The following OR10A2 variants were observed in gnomAD, a reference collection of about 807,000 sequenced individuals.
OR10A2 encodes the protein olfactory receptor family 10 subfamily A member 2.
Under a neutral mutation model 13.7 loss-of-function variants are expected in OR10A2, and 15 were observed. The ratio of observed to expected loss-of-function variants is 1.10; its 90% CI spans 0.73 to 1.69. OR10A2 has a LOEUF of 1.69. OR10A2 is among the 40% of genes most tolerant of loss of function. The pLI, the probability that OR10A2 is intolerant of heterozygous loss-of-function variation, is 0.00. For synonymous variants in OR10A2, 145 were observed against 144.7 expected (o/e 1.00, Z -0.02); for missense variants, 343 against 361.1 (o/e 0.95, Z 0.41).
intron 1 of OR10A2, among the ~76,000 whole-genome samples, chr11:6,867,210 ATAT>A (rs143148199): frequency 1.3e-5 from 2 of 150,462 alleles, no homozygotes; most frequent in African/African-American, 2.4e-5. Context: ...TCAATATTCT[ATAT>A]TATTATTATT....
Position 6,868,405 on chromosome 11 carries a change from C to T in OR10A2, c.-132-1218C>T, listed in dbSNP as rs569797783. 3.9e-5 allele frequency among the ~76,000 whole-genome samples: 6 copies of T among 152,106 alleles called. No homozygotes were observed. In the South Asian group the frequency reaches 8.3e-4, roughly 21 times the overall value. On this transcript the variant is annotated intron_variant, in intron 1 of 1. Coordinates refer to ENST00000641461, the MANE Select transcript of OR10A2 (RefSeq NM_001004460.2). ...GATATACCACCTAGTCTTCTTGATCCGAGGCCTACAGCTTTTGATCCCTTC... is the reference window on the plus strand; with the variant it reads ...GATATACCACCTAGTCTTCTTGATCTGAGGCCTACAGCTTTTGATCCCTTC...
intron 1 of OR10A2, among the ~76,000 whole-genome samples, chr11:6,866,286 T>A (rs1171398421): frequency 1.3e-5 from 2 of 152,268 alleles, no homozygotes; most frequent in Non-Finnish European, 2.9e-5. Flanking sequence ...TTAGTTTTTT[T>A]AAAGAACTGT....
At chr11:6,866,818 T>C (rs1190015788) in intron 1 of OR10A2, among the ~76,000 whole-genome samples, 1 of 152,170 alleles carries the variant, frequency 6.6e-6, no homozygotes, top group Admixed American at 6.5e-5. Context: ...TGTGTGAATA[T>C]ATTAAAATTT....
chr11:6,863,890 C>G (rs1848360812), intron 1 of OR10A2, among the ~76,000 whole-genome samples: 1 of 152,184 alleles, frequency 6.6e-6, no homozygotes, highest in Admixed American at 6.5e-5. Context: ...GCCCATGGGC[C>G]ACATGCGGCC....
At chr11:6,868,735 T>C (rs1173332892) in intron 1 of OR10A2, among the ~76,000 whole-genome samples, 3 of 152,104 alleles carry the variant, frequency 2.0e-5, no homozygotes, top group African/African-American at 7.2e-5. Flanking sequence ...TATCCCAGCC[T>C]CTCAATTTCA....
chr11:6,870,358 T>C lies in OR10A2; in HGVS notation c.604T>C (p.Leu202=), dbSNP rs1564921095. The change falls in exon 2 of 2, where the codon TTG becomes CTG. Residue 202 remains leucine (L), a synonymous_variant. Transcript: ENST00000641461. ...GGTCATGATCCCCTGCTTGCTGATC[T>C]TGTGTTCCTATACTCACATTGCTGC... is the stretch of plus-strand genomic sequence containing the variant. The part of the protein sequence containing the change: ...LVVMIPCLLI[L]CSYTHIAAAI... The C allele has an allele frequency of 3.1e-6, 5 of 1,614,088 alleles. No individual in the cohort carries two copies. The highest frequency in any genetic ancestry group is 2.7e-5 in the African/African-American group (2 of 74,924).
intron 1 of OR10A2, among the ~76,000 whole-genome samples, chr11:6,866,320 T>C (rs1166909879): frequency 6.6e-6 from 1 of 152,240 alleles, no homozygotes; most frequent in African/African-American, 2.4e-5. Context: ...GCAGTGGCTA[T>C]ACCAAGCTTG....
In OR10A2 at chr11:6,873,620, A is replaced by G. The variant is rs1313859098; in HGVS notation, c.*2954A>G. On this transcript the variant is annotated 3_prime_UTR_variant, in exon 2 of 2. Coordinates refer to ENST00000641461, the MANE Select transcript of OR10A2 (RefSeq NM_001004460.2). The stretch of plus-strand genomic sequence containing the variant: ...CAAAGCATTTTTGTGTCACTGAAAA[A>G]TCAGCTACACTGGGGATTTGAAACT... The G allele has an allele frequency of 6.6e-6, 1 of 152,250 alleles. No individual in the cohort carries two copies. The highest frequency in any genetic ancestry group is 1.9e-4 in the East Asian group (1 of 5,198). The allele number at this position is 152,250 out of a possible 1,614,324, so 9.4% of individuals were successfully genotyped here. A position where few individuals can be genotyped will look rare whatever the true frequency, so the allele number is the denominator to read the frequency against.
chr11:6,863,480 A>T (rs1564919482), intron 1 of OR10A2, 129 bp downstream of exon 1: 1 of 142,076 alleles, frequency 7.0e-6, no homozygotes, highest in Admixed American at 7.7e-5. Context: ...TTCTATTCTT[A>T]TGTTCACACT....
intron 1 of OR10A2, among the ~76,000 whole-genome samples, chr11:6,866,473 G>A (rs943171396): frequency 5.3e-5 from 8 of 152,028 alleles, no homozygotes; most frequent in Admixed American, 5.2e-4. Context: ...GTGGCCCAGG[G>A]AAGCCAAAAG....
intron 1 of OR10A2, among the ~76,000 whole-genome samples, chr11:6,868,246 T>C (rs1266301390): frequency 6.6e-6 from 1 of 152,232 alleles, no homozygotes; most frequent in Non-Finnish European, 1.5e-5. Flanking sequence ...TTTTCCTTCA[T>C]AGATTCTCTG....
Position 6,870,301 on chromosome 11 carries a change from G to A in OR10A2, c.547G>A (p.Glu183Lys). 1.9e-6 allele frequency: 3 copies of A among 1,614,162 alleles called. No homozygotes were observed. The East Asian group carries it at 6.7e-5, about 36-fold the overall frequency. Residue 183 changes from glutamate to lysine, a missense_variant, in exon 2 of 2, where the codon GAG (glutamate) becomes AAG (lysine). Transcript: ENST00000641461. Reference protein sequence around the residue: ...RLVCADTALFEIYAIVGTILV... With the variant: ...RLVCADTALFKIYAIVGTILV... ...GGTCTGTGCAGACACAGCACTCTTT[G>A]AGATCTACGCCATCGTCGGAACCAT...
At chr11:6,863,786 G>A (rs1334117239) in intron 1 of OR10A2, among the ~76,000 whole-genome samples, 1 of 152,108 alleles carries the variant, frequency 6.6e-6, no homozygotes, top group African/African-American at 2.4e-5. Context: ...GTCAGAGAAG[G>A]CCTAGAAGAG....
At chr11:6,865,148 AAT>A (rs1848370495) in intron 1 of OR10A2, among the ~76,000 whole-genome samples, 2 of 144,288 alleles carry the variant, frequency 1.4e-5, no homozygotes, top group South Asian at 4.2e-4. Flanking sequence ...CTTATATATA[AAT>A]ATATATTTAT....
At chr11:6,865,661 T>C (rs1324848538) in intron 1 of OR10A2, among the ~76,000 whole-genome samples, 1 of 152,182 alleles carries the variant, frequency 6.6e-6, no homozygotes, top group Non-Finnish European at 1.5e-5. Flanking sequence ...AATTGTCTTT[T>C]ATTATTTTAA....
intron 1 of OR10A2, among the ~76,000 whole-genome samples, chr11:6,863,985 T>C (rs1848361268): frequency 6.6e-6 from 1 of 152,210 alleles, no homozygotes; most frequent in Admixed American, 6.5e-5. Context: ...TTTTTGCTTA[T>C]AAGCTATCAT....
At chr11:6,864,384 C>T (rs1029314744) in intron 1 of OR10A2, among the ~76,000 whole-genome samples, 12 of 152,010 alleles carry the variant, frequency 7.9e-5, no homozygotes, top group South Asian at 2.1e-4. Context: ...CTTTGTAGAA[C>T]TCATGTAATC....
intron 1 of OR10A2, among the ~76,000 whole-genome samples, chr11:6,869,133 C>T (rs188755026): frequency 2.6e-4 from 40 of 152,252 alleles, no homozygotes; most frequent in East Asian, 2.3e-3. Context: ...GATCAGTTTC[C>T]TCATGTATAA....
rs566405897 is a variant in OR10A2 at position 6,870,136 on chromosome 11, C to G, written c.382C>G (p.Arg128Gly). Residue 128 changes from arginine to glycine, a missense_variant, in exon 2 of 2, where the codon CGT becomes GGT. Physicochemically the swap from Arg to Gly is moderately radical, Grantham distance 125 (BLOSUM62 -2). Coordinates refer to ENST00000641461, the MANE Select transcript of OR10A2 (RefSeq NM_001004460.2). ...HYPVIMNQRT[R>G]AKLAAASWFP... The stretch of plus-strand genomic sequence containing the variant: ...CCCAGTCATCATGAACCAAAGGACT[C>G]GTGCCAAACTGGCTGCTGCCTCCTG... 6.2e-7 allele frequency: 1 copy of G among 1,614,102 alleles called. No individual in the cohort carries two copies. Among genetic ancestry groups the G allele is most frequent in the Admixed American group, 1.7e-5 (1 of 60,010 alleles).
Sources: gnomAD v4.1 joint callset for allele counts (sites outside exome capture counted in the v4.1 genomes callset) on GRCh38, gnomAD v4.1.1 for gene constraint, MANE v1.5 for transcripts, NCBI Gene and HGNC (gene_info 2026-07-23, HGNC 2026-07-21) for gene names.